Variants in CYREN observed in about 807,000 individuals in gnomAD.
CYREN encodes the protein cell cycle regulator of NHEJ.
In CYREN, 7 loss-of-function variants were observed where a neutral mutation model predicts 9.7. The ratio of observed to expected loss-of-function variants is 0.72; its 90% CI spans 0.41 to 1.36. CYREN has a LOEUF of 1.36. Ranked by LOEUF, CYREN falls within the 40% of genes most tolerant of loss-of-function variation. The probability of loss-of-function intolerance (pLI) is 0.01; values close to 1 mark genes in which losing one functional copy is unlikely to be tolerated. For missense variants in CYREN, 215 were observed against 198.1 expected (o/e 1.09, Z -0.51); for synonymous variants, 76 against 77.9 (o/e 0.98, Z 0.13).
At position 135,141,072 on chromosome 7, in the gene CYREN, A is replaced by G. The variant is rs370595965; in HGVS notation, n.356+27677T>C. Among the ~76,000 whole-genome samples the G allele has an allele frequency of 6.6e-5, 10 of 152,126 alleles. No homozygotes were observed. In the East Asian group the frequency reaches 1.9e-3, roughly 29 times the overall value. On this transcript the variant is annotated intron_variant and non_coding_transcript_variant, in intron 2 of 2. Transcript: ENST00000459937. ...GGTATCAGGCTGATGCTGACCTTAT[A>G]GACTGAGTTAGAGAGGAGTCCCCAC... is the stretch of plus-strand genomic sequence containing the variant.
rs748611826 is a variant in CYREN, at chr7:135,168,722, G to C, written c.137+64C>G. On this transcript the variant is annotated intron_variant, in intron 2 of 3. Coordinates refer to ENST00000393114, the MANE Select transcript of CYREN (RefSeq NM_024033.4). ...TGCCTAGGCTGGAAGACCTGGCCCA[G>C]GTCATGGAGGCCCCTGCTCCACTTG... is the stretch of plus-strand genomic sequence containing the variant. The C allele has an allele frequency of 2.0e-5, 31 of 1,577,036 alleles. No individual in the cohort carries two copies. The South Asian group carries it at 3.4e-4, about 17-fold the overall frequency.
chr7:135,165,083 C>A, downstream of CYREN: 1 of 1,458,334 alleles, frequency 6.9e-7, no homozygotes, highest in Non-Finnish European at 9.2e-7. Context: ...ACAGCTAACG[C>A]TGATCTCCAG....
chr7:135,155,828 G>A (rs1488864505), intron 2 of CYREN, among the ~76,000 whole-genome samples: 1 of 152,204 alleles, frequency 6.6e-6, no homozygotes, highest in African/African-American at 2.4e-5. Flanking sequence ...TCCAGGTTGA[G>A]TGACAAAGCA....
chr7:135,109,227 T>A (rs1278721830), intron 2 of CYREN, among the ~76,000 whole-genome samples: 11 of 152,234 alleles, frequency 7.2e-5, no homozygotes, highest in Admixed American at 7.2e-4. Context: ...GGAGAACTGA[T>A]GCAGTCATTT....
At chr7:135,096,708 G>T (rs559256989) in intron 2 of CYREN, among the ~76,000 whole-genome samples, 8 of 115,940 alleles carry the variant, frequency 6.9e-5, no homozygotes, top group Non-Finnish European at 1.5e-4. Flanking sequence ...AGAAAAAGAG[G>T]GAAGAAAGAA....
chr7:135,129,149 T>G (rs990234756), intron 2 of CYREN: 8 of 1,482,538 alleles, frequency 5.4e-6, no homozygotes, highest in African/African-American at 2.8e-5. Flanking sequence ...ATGACTGCCT[T>G]CTCCTCCAGT....
At chr7:135,162,433 T>C (rs895697443), downstream of CYREN, among the ~76,000 whole-genome samples, 3 of 152,224 alleles carry the variant, frequency 2.0e-5, no homozygotes, top group Admixed American at 2.0e-4. Flanking sequence ...TTAGTCCATT[T>C]TCATACTGCT....
At chr7:135,101,121 A>G (rs532536267) in intron 2 of CYREN, 3 of 454,114 alleles carry the variant, frequency 6.6e-6, no homozygotes, top group Non-Finnish European at 8.9e-6. Context: ...GACCAACACA[A>G]ACATTTTTTA....
chr7:135,147,943 T>C (rs745863656), intron 2 of CYREN: 6 of 455,590 alleles, frequency 1.3e-5, no homozygotes, highest in Admixed American at 4.7e-5. Flanking sequence ...GTAAAGAGTA[T>C]GTCATAATGG....
chr7:135,164,873 C>T (rs776136485), downstream of CYREN: 1 of 1,614,174 alleles, frequency 6.2e-7, no homozygotes, highest in Non-Finnish European at 8.5e-7. Context: ...GGGTCAGGCT[C>T]TCCCTCCCGG....
chr7:135,112,441 T>A (rs1343147727), intron 2 of CYREN, among the ~76,000 whole-genome samples: 1 of 152,234 alleles, frequency 6.6e-6, no homozygotes, highest in Non-Finnish European at 1.5e-5. Flanking sequence ...CATGTCTTCA[T>A]ACCTACCTGA....
Position 135,167,729 on chromosome 7 carries a change from T to G in CYREN, c.213+3A>C. ...CATGAGTAAGAGGCTTGTCTGACTTTACCTCAATCAGGATTCCCAGAGCAA... is the reference window on the plus strand; with the variant it reads ...CATGAGTAAGAGGCTTGTCTGACTTGACCTCAATCAGGATTCCCAGAGCAA... On this transcript the variant is annotated splice_donor_region_variant and intron_variant, in intron 3 of 3. Transcript: ENST00000393114. 6.2e-7 allele frequency: 1 copy of G among 1,614,126 alleles called. No individual in the cohort carries two copies. The highest frequency in any genetic ancestry group is 1.7e-5 in the Admixed American group (1 of 60,026).
chr7:135,118,568 A>G (rs1432389896), intron 2 of CYREN, among the ~76,000 whole-genome samples: 3 of 152,220 alleles, frequency 2.0e-5, no homozygotes, highest in Non-Finnish European at 4.4e-5. Flanking sequence ...GAGGGTTTAC[A>G]TAAGATCCAG....
At chr7:135,098,997 TTAC>T (rs1355733289) in intron 2 of CYREN, among the ~76,000 whole-genome samples, 1 of 152,196 alleles carries the variant, frequency 6.6e-6, no homozygotes, top group Non-Finnish European at 1.5e-5. Flanking sequence ...TGTTCTACTA[TTAC>T]TACTAATTGC....
chr7:135,152,323 C>G (rs1829683862), intron 2 of CYREN, among the ~76,000 whole-genome samples: 1 of 152,236 alleles, frequency 6.6e-6, no homozygotes, highest in Non-Finnish European at 1.5e-5. Flanking sequence ...ATAACATCCA[C>G]ACAAGGGTGT....
intron 2 of CYREN, among the ~76,000 whole-genome samples, chr7:135,116,797 A>G (rs1164265145): frequency 6.6e-6 from 1 of 152,172 alleles, no homozygotes; most frequent in East Asian, 1.9e-4. Flanking sequence ...GCTGGAGTAC[A>G]GTGGTTATTG....
At chr7:135,114,128 TG>T (rs1385930357) in intron 2 of CYREN, among the ~76,000 whole-genome samples, 2 of 152,250 alleles carry the variant, frequency 1.3e-5, no homozygotes, top group African/African-American at 4.8e-5. Context: ...CTTACACTGT[TG>T]GCTATTATGA....
chr7:135,096,722 GAAGA>G (rs1381130494), intron 2 of CYREN, among the ~76,000 whole-genome samples: 7 of 74,218 alleles, frequency 9.4e-5, no homozygotes, highest in African/African-American at 1.6e-4. Flanking sequence ...GAAAGAAAGA[GAAGA>G]AAGAAAGAGA....
intron 2 of CYREN, among the ~76,000 whole-genome samples, chr7:135,149,735 C>A (rs977184646): frequency 6.6e-6 from 1 of 152,092 alleles, no homozygotes; most frequent in African/African-American, 2.4e-5. Context: ...TTTTACTTGG[C>A]GTATCTTTAA....
Sources: allele counts gnomAD v4.1 joint callset (sites outside exome capture counted in the v4.1 genomes callset), GRCh38; gene constraint gnomAD v4.1.1; transcripts MANE v1.5; gene names NCBI Gene and HGNC (gene_info 2026-07-23, HGNC 2026-07-21).